The following UCHL5 variants were observed in gnomAD, a reference collection of about 807,000 sequenced individuals.
UCHL5 encodes the protein ubiquitin C-terminal hydrolase L5.
Under a neutral mutation model 53.8 loss-of-function variants are expected in UCHL5, and 34 were observed. The ratio of observed to expected loss-of-function variants is 0.63; its 90% CI spans 0.48 to 0.84. The LOEUF is 0.84. Among genes scored for constraint, UCHL5 ranks in the 40% least tolerant of loss-of-function variants. UCHL5 has a pLI of 0.00. For missense variants in UCHL5, 290 were observed against 385.6 expected, an observed-to-expected ratio of 0.75 and a Z score of 2.08; for synonymous variants, 111 against 126.3, an observed-to-expected ratio of 0.88 and a Z score of 0.81.
upstream of UCHL5, chr1:193,059,719 C>G: frequency 7.4e-7 from 1 of 1,353,190 alleles, no homozygotes. The surrounding 1 kb of genome is among the most constrained non-coding windows in gnomAD (Gnocchi z 4.9). Flanking sequence ...TTTCCCAGCG[C>G]TGCGCAGGAC....
chr1:193,059,670 T>A, upstream of UCHL5: 2 of 1,372,138 alleles, frequency 1.5e-6, no homozygotes, highest in Non-Finnish European at 1.9e-6. This position sits in a 1 kb window ranked among gnomAD's most constrained non-coding sequence, Gnocchi z 4.9. Context: ...TTGCTGTTGC[T>A]GTGGCTGTCG....
intron 3 of UCHL5, among the ~76,000 whole-genome samples, chr1:193,030,442 C>T (rs1477299621): frequency 2.6e-5 from 4 of 152,176 alleles, no homozygotes; most frequent in Non-Finnish European, 5.9e-5. Flanking sequence ...GTGTACATAG[C>T]CATCATGCTA....
At chr1:193,023,752 A>G in intron 8 of UCHL5, 92 bp downstream of exon 8, 3 of 996,636 alleles carry the variant, frequency 3.0e-6, no homozygotes, top group Non-Finnish European at 4.5e-6. Flanking sequence ...GCCACCATTC[A>G]GACCACTTGA....
chr1:193,060,031 C>T (rs751645989), upstream of UCHL5: 3 of 1,349,468 alleles, frequency 2.2e-6, no homozygotes, highest in Admixed American at 1.9e-5. Context: ...AAGCCGGGAC[C>T]GCTCCTGCTT....
At position 193,032,399 on chromosome 1, in the gene UCHL5, C is replaced by T. The variant is rs143916377; in HGVS notation, c.247-2742G>A. On this transcript the variant is annotated intron_variant, in intron 3 of 10. Coordinates refer to ENST00000367454, the MANE Select transcript of UCHL5 (RefSeq NM_001199261.3). ...ACTCAAGATGGATTAAAAATTTAAA[C>T]GTAAGACCTAAAACTATAAAAACTC... Among the ~76,000 whole-genome samples, 224 of 152,092 alleles carry T rather than the reference C, an allele frequency of 1.5e-3. 1 individual carries two copies. The East Asian group carries it at 0.034, about 23-fold the overall frequency.
chr1:193,051,626 G>A (rs1364909835), intron 2 of UCHL5, 128 bp downstream of exon 2: 1 of 441,694 alleles, frequency 2.3e-6, no homozygotes, highest in African/African-American at 2.1e-5. Flanking sequence ...CAGGATTGAA[G>A]AGACTTAAAG....
At chr1:193,023,574 A>C (rs963249821) in intron 8 of UCHL5, among the ~76,000 whole-genome samples, 4 of 152,190 alleles carry the variant, frequency 2.6e-5, no homozygotes, top group Non-Finnish European at 5.9e-5. Context: ...TTTACACATA[A>C]TACTTCATTT....
At chr1:193,037,221 G>A (rs1173710444) in intron 3 of UCHL5, among the ~76,000 whole-genome samples, 2 of 151,400 alleles carry the variant, frequency 1.3e-5, no homozygotes, top group Non-Finnish European at 3.0e-5. Context: ...TTCAGGAAAG[G>A]TAAACAAAAT....
At chr1:193,055,588 T>A (rs997889796) in intron 1 of UCHL5, among the ~76,000 whole-genome samples, 1 of 152,252 alleles carries the variant, frequency 6.6e-6, no homozygotes, top group African/African-American at 2.4e-5. Context: ...AATCTAACAC[T>A]TAATAATTCT....
intron 3 of UCHL5, among the ~76,000 whole-genome samples, chr1:193,039,762 A>G (rs1664882046): frequency 6.6e-6 from 1 of 152,212 alleles, no homozygotes; most frequent in South Asian, 2.1e-4. Context: ...CAAAGCTATA[A>G]TAACCAAATC....
intron 3 of UCHL5, among the ~76,000 whole-genome samples, chr1:193,040,435 C>T (rs1180523238): frequency 6.6e-6 from 1 of 152,062 alleles, no homozygotes; most frequent in Non-Finnish European, 1.5e-5. Context: ...CAAATCAAAA[C>T]CGCAATGTTA....
chr1:193,059,476 G>A (rs778262800), upstream of UCHL5: 9 of 1,606,898 alleles, frequency 5.6e-6, no homozygotes, highest in African/African-American at 4.0e-5. The surrounding 1 kb of genome is among the most constrained non-coding windows in gnomAD (Gnocchi z 4.9). Flanking sequence ...ACTCTTCCCA[G>A]GCCTTGCAGC....
At chr1:193,022,777 C>T (rs923182975) in intron 9 of UCHL5, 149 bp downstream of exon 9, 2 of 373,650 alleles carry the variant, frequency 5.4e-6, no homozygotes, top group South Asian at 5.8e-5. Flanking sequence ...CATCTCACTA[C>T]TTATCTTTGT....
intron 1 of UCHL5, chr1:193,057,179 G>T (rs922547700): frequency 1.3e-5 from 2 of 152,210 alleles, no homozygotes; most frequent in Non-Finnish European, 2.9e-5. Flanking sequence ...CTCTTCACTT[G>T]TAAGAGTGTT....
chr1:193,019,878 A>T, intron 10 of UCHL5: 1 of 962,704 alleles, frequency 1.0e-6, no homozygotes, highest in Non-Finnish European at 1.2e-6. Flanking sequence ...AGTAACATTT[A>T]TCTAACTTAA....
chr1:193,032,980 G>C (rs1662035327), intron 3 of UCHL5, among the ~76,000 whole-genome samples: 1 of 152,140 alleles, frequency 6.6e-6, no homozygotes, highest in Non-Finnish European at 1.5e-5. Context: ...AATTCCTCAA[G>C]GATCTAGAAC....
chr1:193,046,588 A>C (rs1020257885), intron 3 of UCHL5, among the ~76,000 whole-genome samples: 6 of 151,038 alleles, frequency 4.0e-5, no homozygotes, highest in African/African-American at 1.5e-4. Context: ...GAAGCCTGCA[A>C]AACCAGATAA....
intron 3 of UCHL5, among the ~76,000 whole-genome samples, chr1:193,035,675 T>C (rs891794360): frequency 6.6e-6 from 1 of 151,990 alleles, no homozygotes; most frequent in Non-Finnish European, 1.5e-5. Flanking sequence ...CTGGTAAAAG[T>C]AAATACACAA....
At chr1:193,020,190 C>T (rs1433789615) in intron 10 of UCHL5, 10 of 1,367,492 alleles carry the variant, frequency 7.3e-6, no homozygotes, top group Non-Finnish European at 9.5e-6. Flanking sequence ...AGGTAATATA[C>T]ACAAAAAACT....
Sources: gnomAD v4.1 joint callset for allele counts (sites outside exome capture counted in the v4.1 genomes callset) on GRCh38, gnomAD v4.1.1 for gene constraint, Gnocchi (gnomAD v3.1) non-coding constraint, MANE v1.5 for transcripts, NCBI Gene and HGNC (gene_info 2026-07-23, HGNC 2026-07-21) for gene names.